Variants in SYN2 observed in about 807,000 individuals in gnomAD.
SYN2 encodes the protein synapsin-2.
In SYN2, 19 loss-of-function variants were observed where a neutral mutation model predicts 50.9. That is an observed-to-expected ratio of 0.37 (90% confidence interval 0.26 to 0.55). SYN2 has a LOEUF of 0.55. Among genes scored for constraint, SYN2 ranks in the 20% least tolerant of loss-of-function variants. SYN2 has a pLI of 0.81. For synonymous variants in SYN2, 255 were observed against 224.9 expected, an observed-to-expected ratio of 1.13 and a Z score of -1.20; for missense variants, 587 against 576.4, an observed-to-expected ratio of 1.02 and a Z score of -0.19.
chr3:12,069,727 A>G (rs763036472), intron 1 of SYN2, among the ~76,000 whole-genome samples: 3 of 151,744 alleles, frequency 2.0e-5, no homozygotes, highest in Non-Finnish European at 4.4e-5. Context: ...CCTCATCAAC[A>G]TTTATTATTG....
chr3:12,155,209 A>T (rs1348625883), intron 5 of SYN2, among the ~76,000 whole-genome samples: 2 of 152,224 alleles, frequency 1.3e-5, no homozygotes, highest in Admixed American at 1.3e-4. Context: ...TAGTACCAGG[A>T]ATACAGATAT....
chr3:12,026,461 A>G (rs565869912), intron 1 of SYN2, among the ~76,000 whole-genome samples: 75 of 152,242 alleles, frequency 4.9e-4, no homozygotes, highest in Non-Finnish European at 1.0e-3. Context: ...ATGAGAAAAT[A>G]GAAGGGGCTA....
At chr3:12,037,977 G>A (rs544937303) in intron 1 of SYN2, among the ~76,000 whole-genome samples, 50 of 152,078 alleles carry the variant, frequency 3.3e-4, no homozygotes, top group African/African-American at 1.1e-3. Flanking sequence ...AGAAACTGTT[G>A]CCTAATCCAA....
intron 10 of SYN2, among the ~76,000 whole-genome samples, chr3:12,183,059 G>C (rs1366761294): frequency 6.6e-6 from 1 of 152,196 alleles, no homozygotes; most frequent in Admixed American, 6.5e-5. Context: ...TGAAAAAGGG[G>C]TTGAAGAGGT....
chr3:12,135,660 T>C (rs1227635711), intron 1 of SYN2, among the ~76,000 whole-genome samples: 1 of 152,142 alleles, frequency 6.6e-6, no homozygotes, highest in Admixed American at 6.5e-5. Flanking sequence ...GATTTTCATG[T>C]GGAGGAGGAG....
intron 1 of SYN2, among the ~76,000 whole-genome samples, chr3:12,113,554 A>G (rs1247965767): frequency 5.3e-5 from 8 of 152,140 alleles, no homozygotes; most frequent in African/African-American, 1.9e-4. Flanking sequence ...CCTCACCACT[A>G]TCTAATCCAG....
At position 12,187,618 on chromosome 3, in the gene SYN2, A is replaced by C. The variant is rs1403952908; in HGVS notation, c.1613+6A>C. On this transcript the variant is annotated splice_donor_region_variant and intron_variant, in intron 12 of 12. Transcript: ENST00000621198. ...CAGCCTCACCCACAGCTCAAGTAAG[A>C]GACAACTCAGCAGCTCCTCCCTCCC... 6.5e-7 allele frequency: 1 copy of C among 1,538,160 alleles called. No homozygotes were observed. Among genetic ancestry groups the C allele is most frequent in the Admixed American group, 2.0e-5 (1 of 50,562 alleles).
Position 12,162,103 on chromosome 3 carries a change from C to G in SYN2, c.929C>G (p.Ser310Cys), listed in dbSNP as rs552553854. The stretch of plus-strand genomic sequence containing the variant: ...GCCACTGCAGAGCCTTTCATTGACT[C>G]CAAGTATGACATCCGGGTCCAGAAG... ...TYATAEPFID[S>C]KYDIRVQKIG... Residue 310 changes from serine to cysteine, a missense_variant, in exon 7 of 13, where the codon TCC (serine) becomes TGC (cysteine). Physicochemically the swap from Ser to Cys is moderately radical, Grantham distance 112 (BLOSUM62 -1). Coordinates refer to ENST00000621198, the MANE Select transcript of SYN2 (RefSeq NM_133625.6). 3.7e-6 allele frequency: 6 copies of G among 1,614,134 alleles called. No homozygotes were observed. The highest frequency in any genetic ancestry group is 1.1e-5 in the South Asian group (1 of 91,076).
chr3:12,098,048 C>T (rs1574939057), intron 1 of SYN2, among the ~76,000 whole-genome samples: 3 of 152,108 alleles, frequency 2.0e-5, no homozygotes, highest in South Asian at 4.2e-4. Context: ...TCAATGAACT[C>T]TAAGTAGGAT....
intron 1 of SYN2, among the ~76,000 whole-genome samples, chr3:12,042,270 A>G (rs979314237): frequency 3.3e-5 from 5 of 152,164 alleles, no homozygotes; most frequent in Non-Finnish European, 7.4e-5. Context: ...TATATTTCTT[A>G]ATTCTCCCCC....
chr3:12,070,224 A>G (rs1291487953), intron 1 of SYN2: 2 of 414,646 alleles, frequency 4.8e-6, no homozygotes, highest in Non-Finnish European at 9.6e-6. Context: ...CGCCTGTCAC[A>G]ATGGAAGAAG....
intron 1 of SYN2, among the ~76,000 whole-genome samples, chr3:12,130,939 G>A (rs372737112): frequency 6.6e-6 from 1 of 152,358 alleles, no homozygotes; most frequent in African/African-American, 2.4e-5. Flanking sequence ...TAAGGAGGCA[G>A]AACTTGTTTT....
chr3:12,174,685 T>G (rs1226847716), intron 10 of SYN2, among the ~76,000 whole-genome samples: 1 of 152,320 alleles, frequency 6.6e-6, no homozygotes, highest in Admixed American at 6.5e-5. Flanking sequence ...TTTCACCATG[T>G]TGGCCAAGAT....
At chr3:12,150,779 T>G (rs889831928) in intron 4 of SYN2, among the ~76,000 whole-genome samples, 1 of 152,172 alleles carries the variant, frequency 6.6e-6, no homozygotes, top group Non-Finnish European at 1.5e-5. Flanking sequence ...GAAAAATCCA[T>G]CATTCCTTTG....
At chr3:12,169,470 C>G (rs1339796991) in intron 9 of SYN2, among the ~76,000 whole-genome samples, 1 of 152,204 alleles carries the variant, frequency 6.6e-6, no homozygotes, top group Non-Finnish European at 1.5e-5. Context: ...AGGCTTTACC[C>G]TCTCCTTGCT....
chr3:12,030,841 ATTGATTTT>A (rs1229370794), intron 1 of SYN2, among the ~76,000 whole-genome samples: 5 of 122,336 alleles, frequency 4.1e-5, no homozygotes, highest in Non-Finnish European at 8.5e-5. Context: ...TCCTGGATTC[ATTGATTTT>A]TTGAAGGGTT....
At chr3:12,048,377 A>G (rs1694787355) in intron 1 of SYN2, among the ~76,000 whole-genome samples, 1 of 152,192 alleles carries the variant, frequency 6.6e-6, no homozygotes, top group Non-Finnish European at 1.5e-5. Context: ...CATGTTGGCC[A>G]GGCTGGTCTT....
chr3:12,042,605 A>G (rs1270447843), intron 1 of SYN2, among the ~76,000 whole-genome samples: 1 of 152,178 alleles, frequency 6.6e-6, no homozygotes, highest in Non-Finnish European at 1.5e-5. Context: ...AGTGGGTTGA[A>G]TAGTGTTCCT....
chr3:12,064,592 G>A (rs1404655379), intron 1 of SYN2, among the ~76,000 whole-genome samples: 1 of 151,942 alleles, frequency 6.6e-6, no homozygotes, highest in Non-Finnish European at 1.5e-5. Flanking sequence ...TTTCTCCAAA[G>A]AACATATACA....
Sources: gnomAD v4.1 joint callset for allele counts (sites outside exome capture counted in the v4.1 genomes callset) on GRCh38, gnomAD v4.1.1 for gene constraint, MANE v1.5 for transcripts, NCBI Gene and HGNC (gene_info 2026-07-23, HGNC 2026-07-21) for gene names.